Variants in RADIL observed in about 807,000 individuals in gnomAD.
RADIL encodes the protein Rap associating with DIL domain.
In RADIL, 99 loss-of-function variants were observed where a neutral mutation model predicts 97.6. The observed-to-expected ratio is 1.01, with a 90% CI of 0.86 to 1.20. RADIL has a LOEUF of 1.20. RADIL is among the 50% of genes most tolerant of loss of function. The probability of loss-of-function intolerance (pLI) is 0.00; values close to 1 mark genes in which losing one functional copy is unlikely to be tolerated. For missense variants in RADIL, 1,765 were observed against 1,498.9 expected, an observed-to-expected ratio of 1.18 and a Z score of -2.93; for synonymous variants, 803 against 691.8, an observed-to-expected ratio of 1.16 and a Z score of -2.52.
rs1220792554 is a variant in RADIL, at chr7:4,854,304, A to C, written c.536-17699T>G. On this transcript the variant is annotated intron_variant, in intron 2 of 14. Transcript: ENST00000399583. The surrounding 1 kb of genome is among the most constrained non-coding windows in gnomAD (Gnocchi z 5.1). ...AAGCTACTCTGACCTGGCCAAATGC[A>C]ATTCCAAACTGATGAGGGGGCATTA... is the stretch of plus-strand genomic sequence containing the variant. Among the ~76,000 whole-genome samples, 1 of 152,242 alleles carries C rather than the reference A, an allele frequency of 6.6e-6. No individual in the cohort carries two copies. Among genetic ancestry groups the C allele is most frequent in the Non-Finnish European group, 1.5e-5 (1 of 68,038 alleles).
intron 9 of RADIL, chr7:4,805,961 A>C (rs1583263420): frequency 1.0e-5 from 10 of 985,330 alleles, no homozygotes; most frequent in Non-Finnish European, 1.2e-5. Flanking sequence ...CAGGGAACCC[A>C]CCCCCGTCTC....
In RADIL at chr7:4,832,194, G is replaced by A. The variant is rs747343223; in HGVS notation, c.1417-16C>T. The A allele has an allele frequency of 3.2e-5, 51 of 1,609,088 alleles. No homozygotes were observed. The highest frequency in any genetic ancestry group is 4.0e-5 in the African/African-American group (3 of 74,722). On this transcript the variant is annotated splice_polypyrimidine_tract_variant and intron_variant, in intron 4 of 14. Transcript: ENST00000399583. ...TGGTTTTCTCCTACAATTACAAAGC[G>A]GGAGAAAAAGCAAGTGAGCAAAACA... is the stretch of plus-strand genomic sequence containing the variant.
Position 4,840,144 on chromosome 7 carries a change from G to A in RADIL, c.536-3539C>T, listed in dbSNP as rs1024136404. ...TGGCCCTGTCCCAAGATGAGGCTGC[G>A]GCAGATGGGACCCAGCACTCTGCTC... On this transcript the variant is annotated intron_variant, in intron 2 of 14. Transcript: ENST00000399583. The surrounding 1 kb of genome is among the most constrained non-coding windows in gnomAD (Gnocchi z 5.6). Among the ~76,000 whole-genome samples, 3 of 152,180 alleles carry A rather than the reference G, an allele frequency of 2.0e-5. No homozygotes were observed. The highest frequency in any genetic ancestry group is 2.9e-5 in the Non-Finnish European group (2 of 68,036).
intron 2 of RADIL, among the ~76,000 whole-genome samples, chr7:4,845,795 T>C (rs1783552146): frequency 6.6e-6 from 1 of 152,168 alleles, no homozygotes; most frequent in South Asian, 2.1e-4. Flanking sequence ...CTAATTAAGA[T>C]AATGGGTAAC....
rs769037768 is a variant in RADIL at position 4,805,665 on chromosome 7, G to A, written c.2191C>T (p.Leu731=). The part of the protein sequence containing the change: ...AAFPALSPAQ[L]HRLLTHYQLA... ...TGGTAGTGAGTCAGCAGCCGGTGCA[G>A]CTGTGCTGGGCTCAGTGCGGGGAAC... The change falls in exon 10 of 15, where the codon CTG becomes TTG. Residue 731 remains leucine (L), a synonymous_variant. Transcript: ENST00000399583. The A allele has an allele frequency of 6.2e-7, 1 of 1,611,856 alleles. No individual in the cohort carries two copies. The highest frequency in any genetic ancestry group is 8.5e-7 in the Non-Finnish European group (1 of 1,179,898).
At chr7:4,832,234 C>A (rs779845685) in intron 4 of RADIL, 56 bp from the exon 5 acceptor site, 11 of 1,533,370 alleles carry the variant, frequency 7.2e-6, no homozygotes, top group Non-Finnish European at 9.7e-6. Flanking sequence ...AACACAGGGA[C>A]GCGTTCAAAT....
Position 4,867,373 on chromosome 7 carries a change from C to T in RADIL, c.535+10232G>A, listed in dbSNP as rs1034496643. On this transcript the variant is annotated intron_variant, in intron 2 of 14. Coordinates refer to ENST00000399583, the MANE Select transcript of RADIL (RefSeq NM_018059.5). The surrounding 1 kb of genome is among the most constrained non-coding windows in gnomAD (Gnocchi z 4.1). ...CCATTTTAGTAGGAAGAAGCTGTACCCAATTTGAGTGTCTGTGCTTAAGGA... is the reference window on the plus strand; with the variant it reads ...CCATTTTAGTAGGAAGAAGCTGTACTCAATTTGAGTGTCTGTGCTTAAGGA... 7.2e-5 allele frequency among the ~76,000 whole-genome samples: 11 copies of T among 151,846 alleles called. No homozygotes were observed. Among genetic ancestry groups the T allele is most frequent in the Non-Finnish European group, 1.6e-4 (11 of 67,974 alleles).
Position 4,799,298 on chromosome 7 carries a change from C to A in RADIL, c.*80G>T. The A allele has an allele frequency of 7.0e-7, 1 of 1,433,040 alleles. No homozygotes were observed. Among genetic ancestry groups the A allele is most frequent in the Non-Finnish European group, 9.7e-7 (1 of 1,028,136 alleles). 88.8% of individuals were successfully genotyped at this position (1,433,040 alleles called of 1,614,324 possible). On this transcript the variant is annotated 3_prime_UTR_variant, in exon 15 of 15. Transcript: ENST00000399583. ...GGACCCAACTTGGTCAGTTACAAAA[C>A]AGGGACGAAGGCGGGAGGAAGCCCA...
At position 4,849,930 on chromosome 7, in the gene RADIL, G is replaced by A. The variant is rs1436704293; in HGVS notation, c.536-13325C>T. On this transcript the variant is annotated intron_variant, in intron 2 of 14. Transcript: ENST00000399583. This position sits in a 1 kb window ranked among gnomAD's most constrained non-coding sequence, Gnocchi z 5.4. ...TGTATTTTTTATGGTGGTTAACACT[G>A]GTGATCTTACTACTGATAACATCTT... Among the ~76,000 whole-genome samples the A allele has an allele frequency of 6.8e-6, 1 of 146,754 alleles. No homozygotes were observed. The highest frequency in any genetic ancestry group is 2.0e-4 in the East Asian group (1 of 5,002).
intron 2 of RADIL, chr7:4,865,735 A>G: frequency 9.3e-7 from 1 of 1,074,418 alleles, no homozygotes; most frequent in South Asian, 1.2e-5. Context: ...GGTGCAATCA[A>G]GAGTGAACTT....
chr7:4,865,450 C>A, intron 2 of RADIL: 1 of 731,898 alleles, frequency 1.4e-6, no homozygotes, highest in South Asian at 1.5e-5. Context: ...TCTTCCTCCT[C>A]TTCTTTGTCC....
chr7:4,802,008 A>C lies in RADIL; in HGVS notation c.2500-13T>G. Reference sequence around the variant, plus strand: ...CGTGGTGCATACCCTAGGGAGAGGAAGGGTGACAGCTCAGGTAGAGGAGTG... The same window carrying C: ...CGTGGTGCATACCCTAGGGAGAGGACGGGTGACAGCTCAGGTAGAGGAGTG... On this transcript the variant is annotated splice_polypyrimidine_tract_variant and intron_variant, in intron 11 of 14. Coordinates refer to ENST00000399583, the MANE Select transcript of RADIL (RefSeq NM_018059.5). 2.0e-6 allele frequency: 3 copies of C among 1,488,162 alleles called. No homozygotes were observed. The highest frequency in any genetic ancestry group is 1.4e-5 in the South Asian group (1 of 71,860). 92.2% of individuals were successfully genotyped at this position (1,488,162 alleles called of 1,614,324 possible).
At chr7:4,830,552 G>C (rs1783110798) in intron 5 of RADIL, among the ~76,000 whole-genome samples, 2 of 152,150 alleles carry the variant, frequency 1.3e-5, no homozygotes, top group Non-Finnish European at 2.9e-5. Context: ...GGGAGGAGAA[G>C]GCTCAAAAGA....
At chr7:4,843,256 G>A (rs1165415695) in intron 2 of RADIL, among the ~76,000 whole-genome samples, 3 of 151,294 alleles carry the variant, frequency 2.0e-5, no homozygotes, top group African/African-American at 4.9e-5. Context: ...CTCGTGATCC[G>A]CCTGCCTCGG....
rs901661117 is a variant in RADIL, at chr7:4,802,032, T to C, written c.2500-37A>G. Reference sequence around the variant, plus strand: ...AAGGGTGACAGCTCAGGTAGAGGAGTGGCCAGGTGGACACAGCACTCGGGC... The same window carrying C: ...AAGGGTGACAGCTCAGGTAGAGGAGCGGCCAGGTGGACACAGCACTCGGGC... On this transcript the variant is annotated intron_variant, in intron 11 of 14. Transcript: ENST00000399583. 2.2e-5 allele frequency: 31 copies of C among 1,440,910 alleles called. No homozygotes were observed. In the East Asian group the frequency reaches 5.6e-4, roughly 26 times the overall value. 89.3% of individuals were successfully genotyped at this position (1,440,910 alleles called of 1,614,324 possible).
Position 4,805,623 on chromosome 7 carries a change from C to A in RADIL, c.2233G>T (p.Gly745Cys). Residue 745 changes from glycine to cysteine, a missense_variant, in exon 10 of 15, where the codon GGC becomes TGC. Transcript: ENST00000399583. ...LTHYQLASAM[G>C]PMSTWEPGAQ... ...CCTGGCTCCCAGGTGCTCATGGGGC[C>A]CATGGCCGAGGCCAGCTGGTAGTGA... 2 of 1,611,766 alleles carry A rather than the reference C, an allele frequency of 1.2e-6. No individual in the cohort carries two copies. The highest frequency in any genetic ancestry group is 1.7e-6 in the Non-Finnish European group (2 of 1,179,844).
rs1418336585 is a variant in RADIL at position 4,821,873 on chromosome 7, T to C, written c.1615+521A>G. Among the ~76,000 whole-genome samples, 1 of 151,778 alleles carries C rather than the reference T, an allele frequency of 6.6e-6. No homozygotes were observed. The highest frequency in any genetic ancestry group is 6.6e-5 in the Admixed American group (1 of 15,238). ...TCCGTCTCAAAAAAAGAAAAAGAAA[T>C]CCCGAAATGTGTATTTCCCACATCT... On this transcript the variant is annotated intron_variant, in intron 6 of 14. Coordinates refer to ENST00000399583, the MANE Select transcript of RADIL (RefSeq NM_018059.5). The surrounding 1 kb of genome is among the most constrained non-coding windows in gnomAD (Gnocchi z 5.2).
intron 10 of RADIL, among the ~76,000 whole-genome samples, chr7:4,804,818 A>G (rs1023454427): frequency 1.3e-5 from 2 of 149,632 alleles, no homozygotes; most frequent in Non-Finnish European, 3.0e-5. Flanking sequence ...ACCCTCGGCC[A>G]GGCACGGTGG....
rs1055061911 is a variant in RADIL at position 4,862,804 on chromosome 7, GGA to G, written c.535+14799_535+14800del. 4.9e-4 allele frequency among the ~76,000 whole-genome samples: 74 copies of G among 152,130 alleles called. 1 individual carries two copies. The highest frequency in any genetic ancestry group is 1.5e-3 in the African/African-American group (61 of 41,500). On this transcript the variant is annotated intron_variant, in intron 2 of 14. Transcript: ENST00000399583. ...CCCAGCTACTCGGGAGGCTGAGGCA[GGA>G]GAATTGCTTGAACCTGAGAGGCAGA...
Sources: allele counts gnomAD v4.1 joint callset (sites outside exome capture counted in the v4.1 genomes callset), GRCh38; gene constraint gnomAD v4.1.1; non-coding constraint Gnocchi (gnomAD v3.1); transcripts MANE v1.5; gene names NCBI Gene and HGNC (gene_info 2026-07-23, HGNC 2026-07-21).